The following NTRK3 variants were observed in gnomAD, a reference collection of about 807,000 sequenced individuals.
NTRK3 encodes NT-3 growth factor receptor.
In NTRK3, 24 loss-of-function variants were observed where a neutral mutation model predicts 91.7. The observed-to-expected ratio is 0.26, with a 90% CI of 0.19 to 0.37. The LOEUF (loss-of-function observed/expected upper bound fraction) is 0.37. Among genes scored for constraint, NTRK3 ranks in the 10% least tolerant of loss-of-function variants. The pLI is 1.00. For missense variants in NTRK3, 880 were observed against 1,068.9 expected (o/e 0.82, Z 2.46); for synonymous variants, 483 against 404.0 (o/e 1.20, Z -2.34).
chr15:88,226,096 A>G (rs1257310241), intron 3 of NTRK3, among the ~76,000 whole-genome samples: 1 of 152,226 alleles, frequency 6.6e-6, no homozygotes, highest in Non-Finnish European at 1.5e-5. Flanking sequence ...CCACTGTGCA[A>G]CACCAGGCAA....
chr15:88,200,301 C>G (rs1020588118), intron 3 of NTRK3, among the ~76,000 whole-genome samples: 1 of 152,254 alleles, frequency 6.6e-6, no homozygotes, highest in African/African-American at 2.4e-5. Flanking sequence ...CTAATCCCAA[C>G]AGCAGGTATG....
chr15:87,988,043 A>G (rs2074980242), intron 14 of NTRK3, among the ~76,000 whole-genome samples: 1 of 152,304 alleles, frequency 6.6e-6, no homozygotes, highest in African/African-American at 2.4e-5. Flanking sequence ...CTTACTTCCA[A>G]AGTATACGGA....
intron 13 of NTRK3, among the ~76,000 whole-genome samples, chr15:88,057,389 T>TGG (rs1453473960): frequency 6.7e-6 from 1 of 149,500 alleles, no homozygotes; most frequent in African/African-American, 2.5e-5. Flanking sequence ...TCCCAGCTAC[T>TGG]CAGGAGGCTG....
rs558011543 is a variant in NTRK3, at chr15:87,930,027, C to T, written c.1890-593G>A. 2.0e-5 allele frequency among the ~76,000 whole-genome samples: 3 copies of T among 152,310 alleles called. No homozygotes were observed. The South Asian group carries it at 6.2e-4, about 32-fold the overall frequency. On this transcript the variant is annotated intron_variant, in intron 16 of 18. Coordinates refer to ENST00000394480, the Ensembl canonical transcript of NTRK3. The stretch of plus-strand genomic sequence containing the variant: ...TTCCCTGGCCCTGCCCCCTAGGATT[C>T]TGATTGGCTAGGTGAGCTTGCTCAT...
chr15:87,932,156 T>G (rs1237814095), intron 16 of NTRK3, among the ~76,000 whole-genome samples: 2 of 152,232 alleles, frequency 1.3e-5, no homozygotes, highest in Admixed American at 6.5e-5. Context: ...CCAGAACTTC[T>G]GGCTGGCGTT....
At chr15:88,053,590 T>G (rs2045423120) in intron 13 of NTRK3, among the ~76,000 whole-genome samples, 1 of 152,208 alleles carries the variant, frequency 6.6e-6, no homozygotes, top group Non-Finnish European at 1.5e-5. Flanking sequence ...ACCTCCCAAG[T>G]TCTTTGGGAC....
intron 3 of NTRK3, among the ~76,000 whole-genome samples, chr15:88,213,548 C>T (rs919734941): frequency 1.5e-4 from 23 of 152,088 alleles, no homozygotes; most frequent in Non-Finnish European, 5.9e-5. Context: ...CTCTGGGGTA[C>T]GAGGAGAGCT....
At chr15:88,058,037 G>C (rs2045880743) in intron 13 of NTRK3, among the ~76,000 whole-genome samples, 1 of 152,226 alleles carries the variant, frequency 6.6e-6, no homozygotes, top group African/African-American at 2.4e-5. Context: ...GGGTGACAAA[G>C]CTCGCTCTCT....
At chr15:88,015,719 A>C (rs2077188815) in intron 14 of NTRK3, among the ~76,000 whole-genome samples, 1 of 152,042 alleles carries the variant, frequency 6.6e-6, no homozygotes, top group Non-Finnish European at 1.5e-5. Context: ...TCTCAGCCTC[A>C]CTGCATTGAC....
rs374329745 is a variant in NTRK3 at position 87,877,131 on chromosome 15, G to A, written c.2293-11C>T. 1.2e-6 allele frequency: 2 copies of A among 1,613,732 alleles called. No homozygotes were observed. The highest frequency in any genetic ancestry group is 1.1e-5 in the South Asian group (1 of 91,022). ...AATGCACTCAATGACCTGAAAGAGT[G>A]AGAAGAACAAGGAAGTTACACCCAA... On this transcript the variant is annotated splice_polypyrimidine_tract_variant and intron_variant, in intron 18 of 18. Coordinates refer to ENST00000394480, the Ensembl canonical transcript of NTRK3.
intron 10 of NTRK3, among the ~76,000 whole-genome samples, chr15:88,131,276 A>G (rs1167876095): frequency 2.0e-5 from 3 of 152,212 alleles, no homozygotes; most frequent in Non-Finnish European, 2.9e-5. Context: ...TCACCCATTC[A>G]TTCACTCATT....
intron 3 of NTRK3, among the ~76,000 whole-genome samples, chr15:88,210,643 G>GC (rs2141412859): frequency 6.6e-6 from 1 of 152,284 alleles, no homozygotes; most frequent in South Asian, 2.1e-4. Context: ...GGAGCAACTT[G>GC]CCCCTGGTTT....
intron 18 of NTRK3, 66 bp from the exon 20 acceptor site, chr15:87,877,186 C>T (rs1001189314): frequency 1.9e-5 from 29 of 1,544,444 alleles, no homozygotes; most frequent in South Asian, 1.4e-4. Context: ...GGCTCAGACT[C>T]GGCAAAAAGC....
intron 17 of NTRK3, among the ~76,000 whole-genome samples, chr15:87,897,616 C>T (rs7165955): frequency 0.012 from 1,812 of 152,150 alleles, 42 homozygotes; most frequent in African/African-American, 0.041. Flanking sequence ...GGTTATAATA[C>T]CATATTCGTA....
intron 13 of NTRK3, among the ~76,000 whole-genome samples, chr15:88,050,550 G>A (rs937575877): frequency 2.0e-5 from 3 of 151,782 alleles, no homozygotes; most frequent in African/African-American, 7.3e-5. Flanking sequence ...AAGCATAGCT[G>A]AGTAGTATAC....
At chr15:87,983,440 C>T (rs567456541) in intron 14 of NTRK3, among the ~76,000 whole-genome samples, 7 of 152,302 alleles carry the variant, frequency 4.6e-5, no homozygotes, top group African/African-American at 1.7e-4. Flanking sequence ...CCGAGCAATA[C>T]CCAACTATGC....
chr15:88,145,966 T>C (rs1189558345), intron 6 of NTRK3, among the ~76,000 whole-genome samples: 2 of 152,198 alleles, frequency 1.3e-5, no homozygotes, highest in Non-Finnish European at 2.9e-5. Flanking sequence ...CACTATTCAG[T>C]GAGTGACCTT....
chr15:88,252,001 G>T (rs942503824), intron 3 of NTRK3, among the ~76,000 whole-genome samples: 1 of 152,114 alleles, frequency 6.6e-6, no homozygotes, highest in African/African-American at 2.4e-5. Flanking sequence ...TGGGGCAGGG[G>T]GTCTTGGCTC....
At chr15:88,230,562 A>G (rs1374619036) in intron 3 of NTRK3, among the ~76,000 whole-genome samples, 1 of 152,188 alleles carries the variant, frequency 6.6e-6, no homozygotes, top group African/African-American at 2.4e-5. Flanking sequence ...AAAAGCCATC[A>G]ATTTTAATTT....
Sources: allele counts gnomAD v4.1 joint callset (sites outside exome capture counted in the v4.1 genomes callset), GRCh38; gene constraint gnomAD v4.1.1; transcripts MANE v1.5; gene names NCBI Gene and HGNC (gene_info 2026-07-23, HGNC 2026-07-21).